The following CUX2 variants were observed in gnomAD, a reference collection of about 807,000 sequenced individuals.
CUX2 encodes the protein homeobox protein cut-like 2.
Under a neutral mutation model 144.8 loss-of-function variants are expected in CUX2, and 40 were observed. That is an observed-to-expected ratio of 0.28 (90% CI 0.21 to 0.36). The LOEUF (loss-of-function observed/expected upper bound fraction) is 0.36, where lower values mean the gene tolerates loss of function less well. Ranked by LOEUF, CUX2 falls within the 10% of genes least tolerant of loss-of-function variation. The probability of loss-of-function intolerance (pLI) is 1.00; values close to 1 mark genes in which losing one functional copy is unlikely to be tolerated. For missense variants in CUX2, 1,615 were observed against 1,994.0 expected, an observed-to-expected ratio of 0.81 and a Z score of 3.62; for synonymous variants, 827 against 875.6, an observed-to-expected ratio of 0.94 and a Z score of 0.98.
Position 111,190,515 on chromosome 12 carries a change from G to A in CUX2, c.64-23685G>A, listed in dbSNP as rs866609074. Reference sequence around the variant, plus strand: ...CACTATCTAAGCTGCTCAAGCCAGGGTGTCCACTTAACCATGGTCTTCCTT... The same window carrying A: ...CACTATCTAAGCTGCTCAAGCCAGGATGTCCACTTAACCATGGTCTTCCTT... On this transcript the variant is annotated intron_variant, in intron 1 of 21. Transcript: ENST00000261726. The surrounding 1 kb of genome is among the most constrained non-coding windows in gnomAD (Gnocchi z 4.0). Among the ~76,000 whole-genome samples, 2 of 152,126 alleles carry A rather than the reference G, an allele frequency of 1.3e-5. No individual in the cohort carries two copies. Among genetic ancestry groups the A allele is most frequent in the African/African-American group, 4.8e-5 (2 of 41,412 alleles).
rs903300720 is a variant in CUX2, at chr12:111,255,485, C to T, written c.223-8276C>T. On this transcript the variant is annotated intron_variant, in intron 3 of 21. Coordinates refer to ENST00000261726, the MANE Select transcript of CUX2 (RefSeq NM_015267.4). This position sits in a 1 kb window ranked among gnomAD's most constrained non-coding sequence, Gnocchi z 4.1. ...CAGCTCCTCCTGGCCTCCCGTCCCC[C>T]ACCTACCTGCCGGCCTGGCTCCTCC... 1.3e-5 allele frequency among the ~76,000 whole-genome samples: 2 copies of T among 152,200 alleles called. No individual in the cohort carries two copies. Among genetic ancestry groups the T allele is most frequent in the Admixed American group, 1.3e-4 (2 of 15,280 alleles).
intron 1 of CUX2, among the ~76,000 whole-genome samples, chr12:111,060,120 A>G (rs113778788): frequency 2.6e-5 from 4 of 152,144 alleles, no homozygotes; most frequent in African/African-American, 7.2e-5. Flanking sequence ...CCTCTCCCCA[A>G]CTGAAAAGCT....
chr12:111,127,469 C>G (rs1351660473), intron 1 of CUX2, among the ~76,000 whole-genome samples: 2 of 152,200 alleles, frequency 1.3e-5, no homozygotes, highest in Admixed American at 1.3e-4. Flanking sequence ...CTGATAGGGT[C>G]GTCACATCAG....
rs760853454 is a variant in CUX2 at position 111,293,557 on chromosome 12, C to T, written c.548C>T (p.Ala183Val). The T allele has an allele frequency of 5.1e-5, 81 of 1,581,926 alleles. 1 individual carries two copies. In the East Asian group the frequency reaches 9.1e-4, roughly 18 times the overall value. ...GAAACCTTGCTGCAGAGAAATGAGG[C>T]GGAAAAACAAAAGTGAGGAAGGGAA... ...LTETLLQRNE[A>V]EKQKGLQEVQ... The change falls in exon 6 of 22, where the codon GCG (alanine) becomes GTG (valine). Residue 183 changes from alanine to valine, a missense_variant. Ala to Val is a moderately conservative substitution (Grantham distance 64). Around this residue, in one of 12 missense-constraint regions of CUX2, gnomAD observed 295 missense variants for 400.2 expected, o/e 0.74. Transcript: ENST00000261726. The surrounding 1 kb of genome is among the most constrained non-coding windows in gnomAD (Gnocchi z 4.5).
intron 1 of CUX2, among the ~76,000 whole-genome samples, chr12:111,195,579 G>A (rs1248667968): frequency 6.6e-6 from 1 of 152,200 alleles, no homozygotes; most frequent in Non-Finnish European, 1.5e-5. Context: ...TGACAGACAC[G>A]AGTTGGAACC....
intron 1 of CUX2, among the ~76,000 whole-genome samples, chr12:111,194,285 T>C (rs569251953): frequency 3.2e-4 from 48 of 152,282 alleles, no homozygotes; most frequent in South Asian, 2.7e-3. Context: ...GCCACGCACG[T>C]GATAAGCACA....
rs943978740 is a variant in CUX2 at position 111,077,497 on chromosome 12, C to T, written c.63+43257C>T. Among the ~76,000 whole-genome samples, 1 of 152,156 alleles carries T rather than the reference C, an allele frequency of 6.6e-6. No individual in the cohort carries two copies. Among genetic ancestry groups the T allele is most frequent in the African/African-American group, 2.4e-5 (1 of 41,418 alleles). ...GACCACTGAATAATTTACGGTCCCT[C>T]GGAGCGGCGAGGAGCAGGTCACTGG... On this transcript the variant is annotated intron_variant, in intron 1 of 21. Transcript: ENST00000261726. This position sits in a 1 kb window ranked among gnomAD's most constrained non-coding sequence, Gnocchi z 4.1.
intron 4 of CUX2, among the ~76,000 whole-genome samples, 188 bp from the exon 5 acceptor site, chr12:111,291,230 C>T (rs1361661907): frequency 6.6e-6 from 1 of 152,136 alleles, no homozygotes; most frequent in Non-Finnish European, 1.5e-5. Context: ...CTGGAGATAG[C>T]AGGTGCTCCC....
chr12:111,083,410 G>T (rs77935876), intron 1 of CUX2, among the ~76,000 whole-genome samples: 2,071 of 152,206 alleles, frequency 0.014, 48 homozygotes, highest in African/African-American at 0.047. Context: ...AGGGCCTGAT[G>T]GGTCTATGGG....
At chr12:111,240,434 A>G (rs1303863808) in intron 3 of CUX2, among the ~76,000 whole-genome samples, 1 of 152,236 alleles carries the variant, frequency 6.6e-6, no homozygotes, top group African/African-American at 2.4e-5. Context: ...GGGTTCCCCC[A>G]CAGCACTCAA....
At chr12:111,215,165 C>G (rs879608436) in intron 2 of CUX2, among the ~76,000 whole-genome samples, 2 of 152,180 alleles carry the variant, frequency 1.3e-5, no homozygotes, top group Non-Finnish European at 2.9e-5. Context: ...TCCTTACCTG[C>G]TCAGGTGTGC....
intron 9 of CUX2, 44 bp downstream of exon 9, chr12:111,298,633 CT>C: frequency 6.5e-7 from 1 of 1,543,822 alleles, no homozygotes; most frequent in South Asian, 1.2e-5. Context: ...GAGGCTCCCT[CT>C]GCCTGGGGTG....
chr12:111,187,250 C>T (rs968897865), intron 1 of CUX2, among the ~76,000 whole-genome samples: 8 of 152,196 alleles, frequency 5.3e-5, no homozygotes, highest in African/African-American at 1.2e-4. Context: ...GGTTCAGTGA[C>T]GCCGGCATCA....
intron 1 of CUX2, among the ~76,000 whole-genome samples, chr12:111,066,218 A>G (rs1424588864): frequency 6.6e-6 from 1 of 152,100 alleles, no homozygotes; most frequent in East Asian, 1.9e-4. Context: ...TTCCCTCTTC[A>G]GTTTTGGCCC....
intron 2 of CUX2, among the ~76,000 whole-genome samples, chr12:111,217,067 G>A (rs1056656513): frequency 3.9e-5 from 6 of 152,148 alleles, no homozygotes; most frequent in Non-Finnish European, 2.9e-5. Context: ...GGGACACATG[G>A]TTCTTAAGGT....
At chr12:111,333,905 C>T (rs977174092) in intron 18 of CUX2, among the ~76,000 whole-genome samples, 4 of 151,504 alleles carry the variant, frequency 2.6e-5, no homozygotes, top group East Asian at 2.0e-4. Flanking sequence ...TACTAAGCAT[C>T]GGCCAGGTGT....
intron 1 of CUX2, among the ~76,000 whole-genome samples, chr12:111,099,289 C>T (rs1873042203): frequency 6.6e-6 from 1 of 152,208 alleles, no homozygotes; most frequent in Non-Finnish European, 1.5e-5. Flanking sequence ...GTTCAGAGTG[C>T]CTGGGACCTC....
intron 1 of CUX2, among the ~76,000 whole-genome samples, chr12:111,100,589 G>A (rs533465248): frequency 6.1e-4 from 93 of 152,334 alleles, no homozygotes; most frequent in Non-Finnish European, 6.5e-4. Flanking sequence ...GCATGCGTGT[G>A]TGTAAGCATG....
In CUX2 at chr12:111,334,723, T is replaced by A; in HGVS notation, c.3196+13T>A. The stretch of plus-strand genomic sequence containing the variant: ...GACAACAATCTAGGTACGGAGCGGG[T>A]GGGAATCGGAGAGGCTGCCTCCCAC... On this transcript the variant is annotated intron_variant, in intron 19 of 21. Transcript: ENST00000261726. 2 of 1,580,874 alleles carry A rather than the reference T, an allele frequency of 1.3e-6. No homozygotes were observed. Among genetic ancestry groups the A allele is most frequent in the Non-Finnish European group, 1.7e-6 (2 of 1,161,472 alleles).
Sources: allele counts gnomAD v4.1 joint callset (sites outside exome capture counted in the v4.1 genomes callset), GRCh38; gene constraint gnomAD v4.1.1; regional missense constraint gnomAD v4.1.1; non-coding constraint Gnocchi (gnomAD v3.1); transcripts MANE v1.5; gene names NCBI Gene and HGNC (gene_info 2026-07-23, HGNC 2026-07-21).